Variants in GNAL observed in about 807,000 individuals in gnomAD.
GNAL encodes the protein G protein subunit alpha L.
A neutral mutation model predicts 55.1 loss-of-function variants in GNAL; 18 were observed. The observed-to-expected ratio is 0.33, with a 90% confidence interval of 0.23 to 0.48. The LOEUF is 0.48. Among genes scored for constraint, GNAL ranks in the 20% least tolerant of loss-of-function variants. The pLI is 0.99. For synonymous variants in GNAL, 253 were observed against 237.0 expected, an observed-to-expected ratio of 1.07 and a Z score of -0.62; for missense variants, 412 against 614.1, an observed-to-expected ratio of 0.67 and a Z score of 3.48.
intron 1 of GNAL, among the ~76,000 whole-genome samples, chr18:11,711,862 G>A (rs535583785): frequency 2.0e-5 from 3 of 152,280 alleles, no homozygotes; most frequent in African/African-American, 7.2e-5. Flanking sequence ...GCTTTAGCAG[G>A]GAAAGATCTT....
chr18:11,833,131 A>C (rs2035424084), intron 5 of GNAL, among the ~76,000 whole-genome samples: 1 of 151,596 alleles, frequency 6.6e-6, no homozygotes, highest in Non-Finnish European at 1.5e-5. Flanking sequence ...TCCCAGGTTC[A>C]AGAGATTCTC....
chr18:11,756,516 T>TTA (rs1294843611), intron 4 of GNAL, among the ~76,000 whole-genome samples: 3 of 151,334 alleles, frequency 2.0e-5, no homozygotes, highest in Admixed American at 6.6e-5. Context: ...AGAGTATATT[T>TTA]TATATATATA....
At chr18:11,713,806 A>C (rs1243157364) in intron 1 of GNAL, among the ~76,000 whole-genome samples, 1 of 152,172 alleles carries the variant, frequency 6.6e-6, no homozygotes, top group Non-Finnish European at 1.5e-5. Context: ...CTGGAGCATA[A>C]AATGAAGATG....
At position 11,821,855 on chromosome 18, in the gene GNAL, A is replaced by T. The variant is rs1384500149; in HGVS notation, c.625-3063A>T. On this transcript the variant is annotated intron_variant, in intron 4 of 11. Transcript: ENST00000334049. ...CCCTTTCCAGCTCACCAAGGGCTGA[A>T]GCACAAGGGCCTCCCGCCTCCCTGC... Among the ~76,000 whole-genome samples, 13 of 152,344 alleles carry T rather than the reference A, an allele frequency of 8.5e-5. No homozygotes were observed. The East Asian group carries it at 2.5e-3, about 29-fold the overall frequency.
chr18:11,690,020 T>TGGC, intron 1 of GNAL, 81 bp downstream of exon 1: 1 of 880,698 alleles, frequency 1.1e-6, no homozygotes, highest in Non-Finnish European at 1.5e-6. Flanking sequence ...CGGGGAGCGG[T>TGGC]GGCGGGCACC....
intron 11 of GNAL, among the ~76,000 whole-genome samples, chr18:11,879,380 C>T (rs1211863704): frequency 2.0e-5 from 3 of 152,156 alleles, no homozygotes; most frequent in South Asian, 2.1e-4. Context: ...TCCACAGGAC[C>T]TCTGTCTAAG....
At chr18:11,827,971 A>T (rs9963378) in intron 5 of GNAL, among the ~76,000 whole-genome samples, 3 of 149,538 alleles carry the variant, frequency 2.0e-5, no homozygotes, top group Admixed American at 6.6e-5. Context: ...ACTCCGTCTC[A>T]AGGAAAAAAA....
Position 11,689,822 on chromosome 18 carries a change from G to A in GNAL, c.259G>A (p.Glu87Lys). Residue 87 changes from glutamate to lysine, a missense_variant, in exon 1 of 12, where the codon GAG (glutamate) becomes AAG (lysine). Glu to Lys is a moderately conservative substitution (Grantham distance 56, BLOSUM62 1). This residue lies in a region of GNAL where 228 missense variants were observed against 194.8 expected (regional missense o/e 1.17). Transcript: ENST00000334049. ...RTEQLSAEER[E>K]AAKEREAVKE... Reference sequence around the variant, plus strand: ...CGAGCAGCTGAGTGCCGAGGAGCGCGAGGCGGCCAAGGAGCGCGAGGCGGT... The same window carrying A: ...CGAGCAGCTGAGTGCCGAGGAGCGCAAGGCGGCCAAGGAGCGCGAGGCGGT... The A allele has an allele frequency of 6.5e-7, 1 of 1,537,812 alleles. No individual in the cohort carries two copies. The highest frequency in any genetic ancestry group is 8.7e-7 in the Non-Finnish European group (1 of 1,145,160).
intron 1 of GNAL, among the ~76,000 whole-genome samples, chr18:11,738,999 G>A (rs1290612261): frequency 6.6e-6 from 1 of 152,136 alleles, no homozygotes; most frequent in Non-Finnish European, 1.5e-5. Context: ...TGCGATCAGT[G>A]CATCACCGAA....
intron 1 of GNAL, among the ~76,000 whole-genome samples, chr18:11,717,278 C>T (rs915741331): frequency 4.8e-4 from 73 of 152,336 alleles, no homozygotes; most frequent in Non-Finnish European, 6.5e-4. Flanking sequence ...TCTCCCTCCC[C>T]GCCTCTCCCT....
intron 10 of GNAL, among the ~76,000 whole-genome samples, chr18:11,875,452 G>A (rs1019996666): frequency 6.6e-6 from 1 of 152,208 alleles, no homozygotes; most frequent in African/African-American, 2.4e-5. Flanking sequence ...GGGGCCTGGT[G>A]GGAGGTGACT....
At chr18:11,837,448 A>C (rs752521486) in intron 5 of GNAL, among the ~76,000 whole-genome samples, 1 of 152,248 alleles carries the variant, frequency 6.6e-6, no homozygotes, top group Non-Finnish European at 1.5e-5. Flanking sequence ...CGATTTTTAA[A>C]TCAGCAAAGG....
At chr18:11,808,264 C>T (rs1414792366) in intron 4 of GNAL, among the ~76,000 whole-genome samples, 12 of 152,310 alleles carry the variant, frequency 7.9e-5, no homozygotes, top group African/African-American at 2.9e-4. Context: ...GCCCGTTTTA[C>T]TGCTGTCCCT....
intron 1 of GNAL, among the ~76,000 whole-genome samples, chr18:11,693,812 T>C (rs2031327346): frequency 6.7e-6 from 1 of 148,394 alleles, no homozygotes; most frequent in South Asian, 2.1e-4. Flanking sequence ...AGGCCAGAAG[T>C]TGAAGACCAG....
At chr18:11,817,528 T>C (rs6505678) in intron 4 of GNAL, among the ~76,000 whole-genome samples, 150,874 of 152,356 alleles carry the variant, frequency 0.99, 74,716 homozygotes, top group Middle Eastern at 1. Context: ...TCACGCTTCT[T>C]GCTAGGAAAG....
rs1027076021 is a variant in GNAL, at chr18:11,884,284, A to G, written c.*3149A>G. The G allele has an allele frequency of 2.1e-5, 14 of 680,746 alleles. No homozygotes were observed. The highest frequency in any genetic ancestry group is 4.2e-4 in the Middle Eastern group (1 of 2,398). 42.2% of individuals were successfully genotyped at this position (680,746 alleles called of 1,614,324 possible). On this transcript the variant is annotated 3_prime_UTR_variant, in exon 12 of 12. Transcript: ENST00000334049. ...ACTTTTATAGCATGAGAACAGTACA[A>G]TCAACTATTTATTTTGCAGTTACTC...
intron 5 of GNAL, chr18:11,854,191 G>A (rs2035949615): frequency 6.0e-6 from 1 of 166,954 alleles, no homozygotes; most frequent in Non-Finnish European, 1.5e-5. Flanking sequence ...GAACCCTTTG[G>A]TAAACTAAAG....
In GNAL at chr18:11,752,926, G is replaced by A; in HGVS notation, c.449+1G>A. ...TGCACGTCAATGGGTTTAATCCCGA[G>A]TAAGAATGTTCAGTTTGCTTCCAAA... On this transcript the variant is annotated splice_donor_variant, in intron 2 of 11. Coordinates refer to ENST00000334049, the MANE Select transcript of GNAL (RefSeq NM_182978.4). LOFTEE classifies it high-confidence loss of function. This position sits in a 1 kb window ranked among gnomAD's most constrained non-coding sequence, Gnocchi z 4.5. 6.3e-7 allele frequency: 1 copy of A among 1,581,678 alleles called. No individual in the cohort carries two copies. Among genetic ancestry groups the A allele is most frequent in the Non-Finnish European group, 8.7e-7 (1 of 1,151,068 alleles).
intron 1 of GNAL, among the ~76,000 whole-genome samples, chr18:11,724,693 A>G (rs2032174021): frequency 6.6e-6 from 1 of 152,150 alleles, no homozygotes; most frequent in Non-Finnish European, 1.5e-5. Flanking sequence ...CCCAGTCACG[A>G]CTAGCCACTT....
Sources: allele counts gnomAD v4.1 joint callset (sites outside exome capture counted in the v4.1 genomes callset), GRCh38; gene constraint gnomAD v4.1.1; regional missense constraint gnomAD v4.1.1; non-coding constraint Gnocchi (gnomAD v3.1); transcripts MANE v1.5; gene names NCBI Gene and HGNC (gene_info 2026-07-23, HGNC 2026-07-21).